REG4: variants seen among roughly 807,000 people sequenced by gnomAD.
REG4 encodes the protein regenerating family member 4.
REG4 carries 16 observed loss-of-function variants against 22.3 expected under a neutral mutation model. The observed-to-expected ratio is 0.72, with a 90% CI of 0.49 to 1.09. The LOEUF is 1.09. Ranked by LOEUF, REG4 falls within the 50% of genes least tolerant of loss-of-function variation. The pLI, the probability that REG4 is intolerant of heterozygous loss-of-function variation, is 0.00. For missense variants in REG4, 214 were observed against 193.9 expected, an observed-to-expected ratio of 1.10 and a Z score of -0.61; for synonymous variants, 71 against 69.2, an observed-to-expected ratio of 1.03 and a Z score of -0.13.
chr1:119,801,077 G>A (rs974084591), intron 3 of REG4: 4 of 152,126 alleles, frequency 2.6e-5, no homozygotes, highest in African/African-American at 9.7e-5. Context: ...ATCACTCACT[G>A]TTTTAAGGAT....
rs115301980 is a variant in REG4 at position 119,794,361 on chromosome 1, G to C, written c.*257C>G. 2 of 593,380 alleles carry C rather than the reference G, an allele frequency of 3.4e-6. No homozygotes were observed. The highest frequency in any genetic ancestry group is 6.2e-6 in the Non-Finnish European group (2 of 320,514). 36.8% of individuals were successfully genotyped at this position (593,380 alleles called of 1,614,324 possible). On this transcript the variant is annotated 3_prime_UTR_variant, in exon 6 of 6. Coordinates refer to ENST00000256585, the MANE Select transcript of REG4 (RefSeq NM_032044.4). ...GGAGATGCACTCTTCTAGACTGCTC[G>C]AGACAGCCAGAGACAGGGGAGGAGG... is the stretch of plus-strand genomic sequence containing the variant.
intron 1 of REG4, 88 bp downstream of exon 1, chr1:119,811,321 A>G (rs962709499): frequency 2.6e-5 from 4 of 152,196 alleles, no homozygotes; most frequent in Admixed American, 2.6e-4. Flanking sequence ...TAGAAATACA[A>G]TTTGTCATTT....
intron 2 of REG4, among the ~76,000 whole-genome samples, chr1:119,805,963 C>G (rs751759181): frequency 1.2e-4 from 18 of 152,320 alleles, no homozygotes; most frequent in East Asian, 3.9e-4. Context: ...CACTACCCCA[C>G]TCCCATCGCC....
intron 2 of REG4, among the ~76,000 whole-genome samples, chr1:119,804,253 G>C (rs587698394): frequency 2.6e-5 from 4 of 152,168 alleles, no homozygotes; most frequent in East Asian, 1.9e-4. Context: ...TACTACTGTC[G>C]CTTGTTTGCC....
At chr1:119,807,875 A>C (rs919253143) in intron 2 of REG4, among the ~76,000 whole-genome samples, 1 of 152,186 alleles carries the variant, frequency 6.6e-6, no homozygotes, top group Non-Finnish European at 1.5e-5. Context: ...CAGTAGCAGT[A>C]CTAAGTAACA....
intron 3 of REG4, among the ~76,000 whole-genome samples, chr1:119,800,863 G>A (rs1480653628): frequency 6.6e-6 from 1 of 152,072 alleles, no homozygotes; most frequent in African/African-American, 2.4e-5. Flanking sequence ...GGATTTTGGG[G>A]GTTTCCTGGG....
At chr1:119,803,992 C>G (rs190983351) in intron 2 of REG4, among the ~76,000 whole-genome samples, 3 of 152,154 alleles carry the variant, frequency 2.0e-5, no homozygotes, top group Non-Finnish European at 1.5e-5. Flanking sequence ...TTCAGGGAGG[C>G]ACATGCTTTT....
intron 2 of REG4, among the ~76,000 whole-genome samples, chr1:119,805,990 G>A (rs1024940132): frequency 2.0e-5 from 3 of 152,198 alleles, no homozygotes; most frequent in Admixed American, 6.5e-5. Context: ...GGAGGGCAGC[G>A]GCGCCATCTC....
chr1:119,804,680 A>G (rs1031380632), intron 2 of REG4, among the ~76,000 whole-genome samples: 8 of 152,194 alleles, frequency 5.3e-5, no homozygotes, highest in African/African-American at 1.2e-4. Context: ...TACTAGTACC[A>G]CTGTCACTAG....
intron 4 of REG4, among the ~76,000 whole-genome samples, chr1:119,799,232 C>T (rs969330639): frequency 8.6e-5 from 13 of 151,830 alleles, no homozygotes; most frequent in Admixed American, 4.6e-4. Flanking sequence ...AAACCACTCA[C>T]GTCATTTCTT....
chr1:119,795,935 T>G (rs1169463119), intron 5 of REG4, among the ~76,000 whole-genome samples: 2 of 152,184 alleles, frequency 1.3e-5, no homozygotes. Flanking sequence ...TAAGCTAGAA[T>G]AGCAGCTTCA....
At chr1:119,798,843 CTGAT>C (rs1654010865) in intron 4 of REG4, among the ~76,000 whole-genome samples, 1 of 152,044 alleles carries the variant, frequency 6.6e-6, no homozygotes, top group Admixed American at 6.6e-5. Flanking sequence ...TGACAGGGTT[CTGAT>C]TGATAGCAAT....
intron 2 of REG4, among the ~76,000 whole-genome samples, chr1:119,808,257 T>C (rs749412132): frequency 3.9e-5 from 6 of 152,216 alleles, no homozygotes; most frequent in Non-Finnish European, 7.3e-5. Context: ...TTGCACTTGA[T>C]GTGTGATCTA....
rs1654170468 is a variant in REG4, at chr1:119,803,090, A to G, written c.143T>C (p.Leu48Pro). The change falls in exon 3 of 6, where the codon CTG becomes CCG. Residue 48 changes from leucine to proline, a missense_variant. Coordinates refer to ENST00000256585, the MANE Select transcript of REG4 (RefSeq NM_032044.4). ...TACCTCGGCATCAGACCAGTTCCTC[A>G]GCTTCCTGAAGTAACCATAGCAATT... ...KSNCYGYFRKLRNWSDAELEC... is the reference protein window; with the variant it reads ...KSNCYGYFRKPRNWSDAELEC... 6 of 1,581,316 alleles carry G rather than the reference A, an allele frequency of 3.8e-6. No homozygotes were observed. The highest frequency in any genetic ancestry group is 1.8e-5 in the Admixed American group (1 of 54,318).
In REG4 at chr1:119,795,430, C is replaced by T. The variant is rs781569357; in HGVS notation, c.410-745G>A. 2.0e-5 allele frequency among the ~76,000 whole-genome samples: 3 copies of T among 152,326 alleles called. No homozygotes were observed. In the South Asian group the frequency reaches 6.2e-4, roughly 32 times the overall value. On this transcript the variant is annotated intron_variant, in intron 5 of 5. Transcript: ENST00000256585. ...GCTGCTAAAGCCATTCACATCCCAA[C>T]AGGCCATCTGCTTATGAAAAAGGAG... is the stretch of plus-strand genomic sequence containing the variant.
intron 2 of REG4, 151 bp from the exon 3 acceptor site, chr1:119,803,316 C>T: frequency 6.8e-6 from 5 of 731,132 alleles, no homozygotes; most frequent in Non-Finnish European, 8.0e-6. Context: ...ACAGCTTACC[C>T]TTCTTCTGGC....
At chr1:119,804,058 G>A (rs753668631) in intron 2 of REG4, among the ~76,000 whole-genome samples, 1 of 152,208 alleles carries the variant, frequency 6.6e-6, no homozygotes, top group Admixed American at 6.5e-5. Context: ...TTTATAAAGA[G>A]GGGGAGATGG....
At position 119,811,408 on chromosome 1, in the gene REG4, C is replaced by T. The variant is rs587602861; in HGVS notation, c.-95+1G>A. ...CCATCATCAACCGCGAGGAGGATTACCTGTTTGGCAACCAAGACTCTAAGG... is the reference window on the plus strand; with the variant it reads ...CCATCATCAACCGCGAGGAGGATTATCTGTTTGGCAACCAAGACTCTAAGG... On this transcript the variant is annotated splice_donor_variant, in intron 1 of 5. Transcript: ENST00000256585. LOFTEE classifies it low-confidence loss of function (5UTR_SPLICE). 1 of 150,760 alleles carries T rather than the reference C, an allele frequency of 6.6e-6. No individual in the cohort carries two copies. The highest frequency in any genetic ancestry group is 1.5e-5 in the Non-Finnish European group (1 of 67,886). The allele number at this position is 150,760 out of a possible 1,614,324, so 9.3% of individuals were successfully genotyped here.
At position 119,798,575 on chromosome 1, in the gene REG4, C is replaced by A. The variant is rs761866830; in HGVS notation, c.331G>T (p.Ala111Ser). Residue 111 changes from alanine to serine, a missense_variant, in exon 5 of 6, where the codon GCC (alanine) becomes TCC (serine). By Grantham distance (99) the Ala-to-Ser change is moderately conservative (BLOSUM62 1). Transcript: ENST00000256585. ...KRQQWQWIDG[A>S]MYLYRSWSGK... ...GACCAGGATCTGTACAGATACATGG[C>A]CCCATCAATCCACTGCCACTGCTGC... The A allele has an allele frequency of 1.2e-6, 2 of 1,614,172 alleles. No individual in the cohort carries two copies. The highest frequency in any genetic ancestry group is 2.2e-5 in the South Asian group (2 of 91,080).
Sources: gnomAD v4.1 joint callset for allele counts (sites outside exome capture counted in the v4.1 genomes callset) on GRCh38, gnomAD v4.1.1 for gene constraint, MANE v1.5 for transcripts, NCBI Gene and HGNC (gene_info 2026-07-23, HGNC 2026-07-21) for gene names.